DDC: variants seen among roughly 807,000 people sequenced by gnomAD.
DDC encodes dopa decarboxylase.
In DDC, 43 loss-of-function variants were observed where a neutral mutation model predicts 60.0. The ratio of observed to expected loss-of-function variants is 0.72; its 90% CI spans 0.56 to 0.92. DDC has a LOEUF of 0.92. DDC is among the 40% of genes least tolerant of loss of function. The probability of loss-of-function intolerance (pLI) is 0.00; values close to 1 mark genes in which losing one functional copy is unlikely to be tolerated. For synonymous variants in DDC, 232 were observed against 234.6 expected (o/e 0.99, Z 0.10); for missense variants, 573 against 620.2 (o/e 0.92, Z 0.81).
intron 12 of DDC, among the ~76,000 whole-genome samples, chr7:50,468,003 G>A (rs2042435811): frequency 6.6e-6 from 1 of 152,256 alleles, no homozygotes. Context: ...GAACTCAGAA[G>A]CTATTCAGAC....
rs1340995769 is a variant in DDC, at chr7:50,539,816, C to T, written c.315+99G>A. 4 of 864,650 alleles carry T rather than the reference C, an allele frequency of 4.6e-6. No homozygotes were observed. In the African/African-American group the frequency reaches 6.7e-5, roughly 14 times the overall value. 53.6% of individuals were successfully genotyped at this position (864,650 alleles called of 1,614,324 possible). A position where few individuals can be genotyped will look rare whatever the true frequency, so the allele number is the denominator to read the frequency against. ...GTAGCCCGTCTGCCCACAGACAGCA[C>T]CGCCATCTGCTCAGGTCCCTTGTGC... On this transcript the variant is annotated intron_variant, in intron 3 of 14. Transcript: ENST00000444124.
chr7:50,557,869 C>T (rs990081708), intron 1 of DDC, among the ~76,000 whole-genome samples: 7 of 152,234 alleles, frequency 4.6e-5, no homozygotes, highest in African/African-American at 7.2e-5. Flanking sequence ...CACCCACCAT[C>T]AGGCATTGAG....
rs1370469378 is a variant in DDC, at chr7:50,463,259, G to T, written c.1415C>A (p.Ala472Asp). Reference protein sequence around the residue: ...RAWEHIKELAADVLRAERE With the variant: ...RAWEHIKELADDVLRAERE ...CTCCCTCTCTGCTCGCAGCACGTCG[G>T]CCGCCAGCTCTTTGATGTGTTCCCA... Residue 472 changes from alanine (A) to aspartate (D), a missense_variant, in exon 14 of 15, where the codon GCC (alanine) becomes GAC (aspartate). Transcript: ENST00000444124. 2 of 1,613,846 alleles carry T rather than the reference G, an allele frequency of 1.2e-6. No individual in the cohort carries two copies. The highest frequency in any genetic ancestry group is 3.3e-5 in the Admixed American group (2 of 59,980).
intron 7 of DDC, 142 bp from the exon 8 acceptor site, chr7:50,499,384 G>T (rs915761373): frequency 1.3e-5 from 9 of 698,592 alleles, no homozygotes; most frequent in African/African-American, 5.3e-5. Flanking sequence ...TCCCCAAAAG[G>T]CCCCCTCATT....
intron 14 of DDC, among the ~76,000 whole-genome samples, chr7:50,461,723 T>C (rs2042277710): frequency 1.3e-5 from 2 of 152,254 alleles, no homozygotes; most frequent in South Asian, 2.1e-4. Flanking sequence ...TCCCCTCACA[T>C]AGTCTTATGC....
chr7:50,497,100 T>G (rs1205210673), intron 8 of DDC, among the ~76,000 whole-genome samples: 1 of 152,180 alleles, frequency 6.6e-6, no homozygotes, highest in East Asian at 1.9e-4. Context: ...TACCCAGCAG[T>G]GATATTTTCC....
chr7:50,478,065 T>C (rs1023103129), intron 10 of DDC, among the ~76,000 whole-genome samples: 1 of 151,788 alleles, frequency 6.6e-6, no homozygotes, highest in Non-Finnish European at 1.5e-5. Context: ...TACAAAAAAT[T>C]ATCTGGGCCT....
chr7:50,520,230 T>G (rs1326774724), intron 6 of DDC, among the ~76,000 whole-genome samples: 1 of 152,188 alleles, frequency 6.6e-6, no homozygotes, highest in Non-Finnish European at 1.5e-5. Context: ...TATATTTTCT[T>G]TCTCACGCTC....
In DDC at chr7:50,462,226, C is replaced by CAAAAAAAAAAAAAAAA. The variant is rs11410259; in HGVS notation, c.*18+971_*18+986dup. ...TCTTCCACCAAATGGGACAAAAAGA[C>CAAAAAAAAAAAAAAAA]AAAAAAAAAAAAAAAAAAAAAAGAA... On this transcript the variant is annotated intron_variant, in intron 14 of 14. Coordinates refer to ENST00000444124, the MANE Select transcript of DDC (RefSeq NM_001082971.2). 2.3e-3 allele frequency among the ~76,000 whole-genome samples: 176 copies of CAAAAAAAAAAAAAAAA among 75,372 alleles called. 1 individual carries two copies. The highest frequency in any genetic ancestry group is 2.6e-3 in the African/African-American group (48 of 18,278). The allele number at this position is 75,372 out of a possible 152,430, so 49.4% of individuals were successfully genotyped here.
chr7:50,529,156 A>G (rs1260830784), intron 5 of DDC, 52 bp downstream of exon 5: 3 of 1,611,258 alleles, frequency 1.9e-6, no homozygotes, highest in Non-Finnish European at 2.5e-6. Flanking sequence ...TTGACATAAA[A>G]CCAAACATTC....
chr7:50,505,696 A>T (rs1292916611), intron 6 of DDC, among the ~76,000 whole-genome samples: 1 of 152,232 alleles, frequency 6.6e-6, no homozygotes, highest in Non-Finnish European at 1.5e-5. Flanking sequence ...TGGACAAGGT[A>T]CTTCTCAGAC....
chr7:50,486,578 G>A (rs893003677), intron 9 of DDC, among the ~76,000 whole-genome samples: 15 of 152,140 alleles, frequency 9.9e-5, no homozygotes, highest in Non-Finnish European at 1.6e-4. Flanking sequence ...TCTTGTGAGC[G>A]CTGTTATGGA....
chr7:50,494,467 G>A (rs2043078594), intron 9 of DDC, among the ~76,000 whole-genome samples: 2 of 151,818 alleles, frequency 1.3e-5, no homozygotes, highest in Non-Finnish European at 2.9e-5. Flanking sequence ...TTGCACCACT[G>A]CACTCCAGCC....
intron 11 of DDC, among the ~76,000 whole-genome samples, chr7:50,473,496 CTCA>C (rs2042577553): frequency 6.6e-6 from 1 of 152,368 alleles, no homozygotes; most frequent in Middle Eastern, 3.4e-3. Context: ...CGTTTGTCCC[CTCA>C]TCAGCCATGA....
chr7:50,544,821 C>A (rs1375730161), intron 1 of DDC, among the ~76,000 whole-genome samples: 1 of 152,216 alleles, frequency 6.6e-6, no homozygotes, highest in Non-Finnish European at 1.5e-5. Context: ...AGGGGAAATA[C>A]AATTTCCTGA....
chr7:50,463,451 G>A lies in DDC; in HGVS notation c.1243-20C>T, dbSNP rs745796650. The A allele has an allele frequency of 4.3e-6, 7 of 1,609,268 alleles. No individual in the cohort carries two copies. The highest frequency in any genetic ancestry group is 4.3e-6 in the Non-Finnish European group (5 of 1,175,724). On this transcript the variant is annotated intron_variant, in intron 13 of 14. Transcript: ENST00000444124. The stretch of plus-strand genomic sequence containing the variant: ...GGAACCCTGGAGGGATTGAAAGAGA[G>A]GAACTGTGCTCAGGTCTCTGAGGAC...
chr7:50,473,029 T>G (rs1215108178), intron 11 of DDC, among the ~76,000 whole-genome samples: 1 of 152,192 alleles, frequency 6.6e-6, no homozygotes, highest in Non-Finnish European at 1.5e-5. Context: ...CTGGGGACAT[T>G]TGCCTGGAAT....
At chr7:50,530,817 A>G (rs2044180675) in intron 4 of DDC, among the ~76,000 whole-genome samples, 1 of 152,234 alleles carries the variant, frequency 6.6e-6, no homozygotes, top group Non-Finnish European at 1.5e-5. Flanking sequence ...GAAAAAGTTT[A>G]TAACATGATA....
At chr7:50,487,239 T>C (rs755721039) in intron 9 of DDC, among the ~76,000 whole-genome samples, 11 of 152,122 alleles carry the variant, frequency 7.2e-5, no homozygotes, top group Non-Finnish European at 1.3e-4. Context: ...TTTCAGTTCA[T>C]ATAGTTTTAG....
Sources: allele counts gnomAD v4.1 joint callset (sites outside exome capture counted in the v4.1 genomes callset), GRCh38; gene constraint gnomAD v4.1.1; transcripts MANE v1.5; gene names NCBI Gene and HGNC (gene_info 2026-07-23, HGNC 2026-07-21).